The following NOS1AP variants were observed in gnomAD, a reference collection of about 807,000 sequenced individuals.
NOS1AP encodes carboxyl-terminal PDZ ligand of neuronal nitric oxide synthase protein.
Under a neutral mutation model 56.2 loss-of-function variants are expected in NOS1AP, and 21 were observed. The ratio of observed to expected loss-of-function variants is 0.37; its 90% CI spans 0.26 to 0.54. The LOEUF is 0.54. Among genes scored for constraint, NOS1AP ranks in the 20% least tolerant of loss-of-function variants. The probability of loss-of-function intolerance (pLI) is 0.84; values close to 1 mark genes in which losing one functional copy is unlikely to be tolerated. For missense variants in NOS1AP, 522 were observed against 657.8 expected (o/e 0.79, Z 2.26); for synonymous variants, 270 against 274.6 (o/e 0.98, Z 0.17).
intron 1 of NOS1AP, among the ~76,000 whole-genome samples, chr1:162,120,172 T>G (rs1268590083): frequency 6.6e-6 from 1 of 152,104 alleles, no homozygotes; most frequent in Admixed American, 6.5e-5. Context: ...AATATACCCT[T>G]TAGCTGAATA....
intron 2 of NOS1AP, among the ~76,000 whole-genome samples, chr1:162,235,711 G>C (rs1653270110): frequency 6.6e-6 from 1 of 152,216 alleles, no homozygotes; most frequent in Admixed American, 6.5e-5. Context: ...CCAAGGGGCA[G>C]TTACAAGAAA....
At position 162,367,689 on chromosome 1, in the gene NOS1AP, G is replaced by C; in HGVS notation, c.*222G>C. 1 of 588,102 alleles carries C rather than the reference G, an allele frequency of 1.7e-6. No homozygotes were observed. Among genetic ancestry groups the C allele is most frequent in the South Asian group, 2.1e-5 (1 of 47,264 alleles). 36.4% of individuals were successfully genotyped at this position (588,102 alleles called of 1,614,324 possible). On this transcript the variant is annotated 3_prime_UTR_variant, in exon 10 of 10. Coordinates refer to ENST00000361897, the MANE Select transcript of NOS1AP (RefSeq NM_014697.3). The surrounding 1 kb of genome is among the most constrained non-coding windows in gnomAD (Gnocchi z 6.5). ...GTGAATCAGCTCCTCTCCTACTTGT[G>C]ACTAGAGGGTGGTGGAGGTAAGGCC...
chr1:162,118,862 G>A (rs578038000), intron 1 of NOS1AP, among the ~76,000 whole-genome samples: 71 of 152,126 alleles, frequency 4.7e-4, no homozygotes, highest in African/African-American at 1.4e-3. Flanking sequence ...TTCACTTTTG[G>A]ACTCCATGAA....
chr1:162,311,006 G>A (rs1466935290), intron 4 of NOS1AP, among the ~76,000 whole-genome samples: 1 of 151,888 alleles, frequency 6.6e-6, no homozygotes, highest in East Asian at 1.9e-4. Context: ...AATATGTTCA[G>A]CTCTCTCCTT....
intron 2 of NOS1AP, among the ~76,000 whole-genome samples, chr1:162,234,907 G>A (rs1271415779): frequency 6.6e-6 from 1 of 152,106 alleles, no homozygotes; most frequent in Non-Finnish European, 1.5e-5. Flanking sequence ...CCCTGCAATC[G>A]GCTGTTGAGG....
At chr1:162,127,637 G>T (rs1339918238) in intron 1 of NOS1AP, among the ~76,000 whole-genome samples, 1 of 152,144 alleles carries the variant, frequency 6.6e-6, no homozygotes, top group East Asian at 1.9e-4. Flanking sequence ...TTAAAATTGT[G>T]GAAGAACGTG....
At chr1:162,294,090 T>A (rs1655358946) in intron 3 of NOS1AP, among the ~76,000 whole-genome samples, 1 of 151,544 alleles carries the variant, frequency 6.6e-6, no homozygotes, top group Admixed American at 6.6e-5. Flanking sequence ...GGGAAGCATC[T>A]GAGAAAGGCT....
At chr1:162,090,250 A>C (rs1025431080) in intron 1 of NOS1AP, among the ~76,000 whole-genome samples, 5 of 152,104 alleles carry the variant, frequency 3.3e-5, no homozygotes, top group Non-Finnish European at 7.4e-5. Context: ...TTTTTTAAAA[A>C]ATCTTAAGTG....
intron 1 of NOS1AP, among the ~76,000 whole-genome samples, chr1:162,094,394 G>A (rs1692194507): frequency 6.6e-6 from 1 of 152,222 alleles, no homozygotes; most frequent in Middle Eastern, 3.4e-3. Flanking sequence ...AATGTTGGTG[G>A]TGTGTGCTGA....
At chr1:162,125,881 A>G (rs981031819) in intron 1 of NOS1AP, among the ~76,000 whole-genome samples, 6 of 152,012 alleles carry the variant, frequency 3.9e-5, no homozygotes, top group African/African-American at 1.2e-4. Context: ...CATTTTCATG[A>G]TATTGATTTT....
At chr1:162,213,105 C>A (rs2101648964) in intron 2 of NOS1AP, among the ~76,000 whole-genome samples, 1 of 152,264 alleles carries the variant, frequency 6.6e-6, no homozygotes, top group Non-Finnish European at 1.5e-5. Context: ...CCGCCCACCT[C>A]CCCACCCTCA....
chr1:162,255,490 A>ATTTTTTTTTTT lies in NOS1AP; in HGVS notation c.178-31829_178-31819dup, dbSNP rs35637289. ...ATGCATAGGTTATTTGCTGCTGCTGATTTTTTTTTTTTTTTTTTTTTTTTT... is the reference window on the plus strand; with the variant it reads ...ATGCATAGGTTATTTGCTGCTGCTGATTTTTTTTTTTTTTTTTTTTTTTTTTTTTTTTTTTT... On this transcript the variant is annotated intron_variant, in intron 2 of 9. Transcript: ENST00000361897. 1.1e-3 allele frequency among the ~76,000 whole-genome samples: 67 copies of ATTTTTTTTTTT among 60,982 alleles called. 5 individuals are homozygous for ATTTTTTTTTTT. The highest frequency in any genetic ancestry group is 2.6e-3 in the Admixed American group (12 of 4,592). The allele number at this position is 60,982 out of a possible 152,430, so 40.0% of individuals were successfully genotyped here.
At chr1:162,266,623 G>A (rs900445301) in intron 2 of NOS1AP, among the ~76,000 whole-genome samples, 6 of 152,124 alleles carry the variant, frequency 3.9e-5, no homozygotes, top group Admixed American at 1.3e-4. Flanking sequence ...CCTTGCTACT[G>A]AGTCTTAAAC....
intron 2 of NOS1AP, among the ~76,000 whole-genome samples, chr1:162,237,065 G>A (rs1041993590): frequency 2.6e-5 from 4 of 152,180 alleles, no homozygotes; most frequent in Admixed American, 6.5e-5. Flanking sequence ...CTCGTTTCCC[G>A]TTTACCACTG....
intron 2 of NOS1AP, among the ~76,000 whole-genome samples, chr1:162,193,072 G>A (rs1651694198): frequency 6.6e-6 from 1 of 152,092 alleles, no homozygotes; most frequent in South Asian, 2.1e-4. Flanking sequence ...CGAACACTCA[G>A]GATGTTGAAG....
At chr1:162,121,437 T>C (rs2102052521) in intron 1 of NOS1AP, among the ~76,000 whole-genome samples, 1 of 152,252 alleles carries the variant, frequency 6.6e-6, no homozygotes, top group African/African-American at 2.4e-5. Context: ...GATGTTTAAT[T>C]CAACCTTCTC....
chr1:162,190,699 A>T (rs1257878581), intron 2 of NOS1AP, among the ~76,000 whole-genome samples: 1 of 152,104 alleles, frequency 6.6e-6, no homozygotes, highest in Non-Finnish European at 1.5e-5. Context: ...GAAGTCTGGG[A>T]CTTAGTCCTC....
At chr1:162,326,494 T>C (rs774798116) in intron 4 of NOS1AP, among the ~76,000 whole-genome samples, 7 of 152,170 alleles carry the variant, frequency 4.6e-5, no homozygotes, top group Non-Finnish European at 1.0e-4. Flanking sequence ...TATGTATAGG[T>C]ACACATACTT....
chr1:162,297,676 A>C (rs540974565), intron 3 of NOS1AP, among the ~76,000 whole-genome samples: 2 of 152,288 alleles, frequency 1.3e-5, no homozygotes, highest in East Asian at 1.9e-4. Context: ...ATGTCTCTCA[A>C]GAGGTGGAGC....
Sources: gnomAD v4.1 joint callset for allele counts (sites outside exome capture counted in the v4.1 genomes callset) on GRCh38, gnomAD v4.1.1 for gene constraint, Gnocchi (gnomAD v3.1) non-coding constraint, MANE v1.5 for transcripts, NCBI Gene and HGNC (gene_info 2026-07-23, HGNC 2026-07-21) for gene names.